POLK: variants seen among roughly 807,000 people sequenced by gnomAD.
POLK encodes the protein polymerase (DNA directed) kappa.
A neutral mutation model predicts 94.0 loss-of-function variants in POLK; 76 were observed. The ratio of observed to expected loss-of-function variants is 0.81; its 90% confidence interval spans 0.67 to 0.98. The LOEUF (loss-of-function observed/expected upper bound fraction) is 0.98. Ranked by LOEUF, POLK falls within the 50% of genes least tolerant of loss-of-function variation. The probability of loss-of-function intolerance (pLI) is 0.00; values close to 1 mark genes in which losing one functional copy is unlikely to be tolerated. For missense variants in POLK, 954 were observed against 1,010.1 expected (o/e 0.94, Z 0.75); for synonymous variants, 349 against 325.4 (o/e 1.07, Z -0.78).
At chr5:75,591,177 A>C (rs1465022369) in intron 11 of POLK, among the ~76,000 whole-genome samples, 1 of 152,204 alleles carries the variant, frequency 6.6e-6, no homozygotes, top group Non-Finnish European at 1.5e-5. Context: ...TGTTTCTCGC[A>C]TAAAGAAAAT....
intron 5 of POLK, 131 bp from the exon 6 acceptor site, chr5:75,576,649 C>A: frequency 2.3e-6 from 1 of 426,536 alleles, no homozygotes. Flanking sequence ...TCCTTAAATC[C>A]ATGAACTATT....
intron 5 of POLK, 113 bp downstream of exon 5, chr5:75,573,982 T>C (rs188327364): frequency 6.5e-6 from 6 of 922,392 alleles, no homozygotes. Context: ...ATCCTTTCAG[T>C]TGAGCCTCCT....
chr5:75,601,934 G>C (rs987706975), downstream of POLK, among the ~76,000 whole-genome samples: 1 of 152,118 alleles, frequency 6.6e-6, no homozygotes, highest in African/African-American at 2.4e-5. Flanking sequence ...CAAGTCACCA[G>C]TTTTCCAGTC....
chr5:75,582,037 T>G, intron 7 of POLK: 2 of 980,882 alleles, frequency 2.0e-6, no homozygotes, highest in Non-Finnish European at 2.4e-6. Context: ...TGGTTTTGCA[T>G]GTAATAACTT....
chr5:75,589,384 C>T (rs1319167032), intron 10 of POLK, among the ~76,000 whole-genome samples: 1 of 106,196 alleles, frequency 9.4e-6, no homozygotes, highest in Non-Finnish European at 1.9e-5. Flanking sequence ...TATATATACA[C>T]ACATACACAC....
At chr5:75,597,605 T>C (rs1773160670) in intron 13 of POLK, 142 bp from the exon 14 acceptor site, 1 of 446,620 alleles carries the variant, frequency 2.2e-6, no homozygotes, top group East Asian at 3.5e-5. Context: ...AAAGAAATTA[T>C]AGTTTTTGGT....
intron 5 of POLK, among the ~76,000 whole-genome samples, chr5:75,575,190 G>A (rs5744644): frequency 2.1e-4 from 32 of 151,666 alleles, no homozygotes; most frequent in African/African-American, 7.0e-4. Context: ...AAGCCCTCCC[G>A]TTTTTTTTGA....
At chr5:75,599,158 A>G (rs1259819527) in exon 15 of POLK, 1 of 151,958 alleles carries the variant, frequency 6.6e-6, no homozygotes, top group Non-Finnish European at 1.5e-5. Context: ...TGGCTGAGGC[A>G]GGAGAACTAC....
chr5:75,589,555 A>G (rs1408679505), intron 10 of POLK, among the ~76,000 whole-genome samples: 1 of 152,024 alleles, frequency 6.6e-6, no homozygotes, highest in African/African-American at 2.4e-5. Flanking sequence ...GGTTCTCGCC[A>G]TTCTCCTGCC....
At chr5:75,524,122 C>A (rs1487295654) in intron 1 of POLK, among the ~76,000 whole-genome samples, 5 of 150,960 alleles carry the variant, frequency 3.3e-5, no homozygotes, top group Non-Finnish European at 7.4e-5. Flanking sequence ...GAGTGAGACT[C>A]CGTCTCAAAA....
chr5:75,605,112 TACACATACAC>T (rs2112927245), downstream of POLK, among the ~76,000 whole-genome samples: 1 of 77,384 alleles, frequency 1.3e-5, no homozygotes, highest in African/African-American at 5.8e-5. Context: ...CTTTCCTGTA[TACACATACAC>T]ACACACACAC....
exon 15 of POLK, chr5:75,598,320 TA>T (rs1305221893): frequency 6.2e-6 from 1 of 162,532 alleles, no homozygotes; most frequent in African/African-American, 2.4e-5. Context: ...ATACTGAATA[TA>T]AAAACATTTG....
intron 2 of POLK, among the ~76,000 whole-genome samples, chr5:75,549,747 A>T (rs1308487511): frequency 3.9e-5 from 6 of 152,114 alleles, no homozygotes; most frequent in African/African-American, 1.4e-4. Context: ...AGAAAATTAC[A>T]GAGAATAGTA....
intron 1 of POLK, among the ~76,000 whole-genome samples, chr5:75,519,688 A>T (rs1768480313): frequency 6.6e-6 from 1 of 152,132 alleles, no homozygotes; most frequent in Non-Finnish European, 1.5e-5. Context: ...CTGATATGTT[A>T]GCTACTCCTG....
rs772405555 is a variant in POLK at position 75,596,438 on chromosome 5, C to A, written c.1745C>A (p.Thr582Lys). Residue 582 changes from threonine to lysine, a missense_variant, in exon 13 of 15, where the codon ACA becomes AAA. By Grantham distance (78) the Thr-to-Lys change is moderately conservative (BLOSUM62 -1). Transcript: ENST00000241436. The stretch of plus-strand genomic sequence containing the variant: ...GAAAGGAAATGGAGTCACCAAGATA[C>A]ATTTAAATGTGAAGCCGTGAATAAA... 5 of 1,613,514 alleles carry A rather than the reference C, an allele frequency of 3.1e-6. No individual in the cohort carries two copies. Among genetic ancestry groups the A allele is most frequent in the Admixed American group, 3.3e-5 (2 of 59,986 alleles).
chr5:75,572,010 T>C (rs2112774931), intron 4 of POLK, among the ~76,000 whole-genome samples: 1 of 152,340 alleles, frequency 6.6e-6, no homozygotes, highest in Non-Finnish European at 1.5e-5. Context: ...TATCAAGATG[T>C]TTTAAGTGCC....
chr5:75,524,420 C>G (rs984819361), intron 1 of POLK, among the ~76,000 whole-genome samples: 2 of 152,244 alleles, frequency 1.3e-5, no homozygotes, highest in East Asian at 3.9e-4. Context: ...CTCTCTTAGG[C>G]TCTTGGAGAA....
chr5:75,553,527 A>T (rs551313741), intron 3 of POLK, among the ~76,000 whole-genome samples: 18 of 152,342 alleles, frequency 1.2e-4, no homozygotes, highest in South Asian at 8.3e-4. Context: ...GTCTTCTATT[A>T]TGATGAAAGA....
exon 9 of POLK, chr5:75,584,912 A>G: frequency 6.3e-7 from 1 of 1,592,282 alleles, no homozygotes; most frequent in Non-Finnish European, 8.6e-7. Flanking sequence ...GTCTAGGTTC[A>G]ACACACCTGA....
Sources: gnomAD v4.1 joint callset for allele counts (sites outside exome capture counted in the v4.1 genomes callset) on GRCh38, gnomAD v4.1.1 for gene constraint, MANE v1.5 for transcripts, NCBI Gene and HGNC (gene_info 2026-07-23, HGNC 2026-07-21) for gene names.